KATNAL2: variants seen among roughly 807,000 people sequenced by gnomAD.
KATNAL2 encodes the protein katanin catalytic subunit A1 like 2, also known as katanin p60 ATPase-containing subunit A-like 2.
In KATNAL2, 52 loss-of-function variants were observed where a neutral mutation model predicts 76.3. That is an observed-to-expected ratio of 0.68 (90% CI 0.55 to 0.86). KATNAL2 has a LOEUF of 0.86. Ranked by LOEUF, KATNAL2 falls within the 40% of genes least tolerant of loss-of-function variation. KATNAL2 has a pLI of 0.00. For missense variants in KATNAL2, 660 were observed against 668.9 expected (o/e 0.99, Z 0.15); for synonymous variants, 243 against 244.2 (o/e 1.00, Z 0.05).
intron 8 of KATNAL2, among the ~76,000 whole-genome samples, chr18:47,060,904 CT>C (rs1398471827): frequency 6.6e-6 from 1 of 152,212 alleles, no homozygotes; most frequent in Non-Finnish European, 1.5e-5. Context: ...CTTTGCCTAG[CT>C]TTTTTGTGGC....
In KATNAL2 at chr18:47,046,453, C is replaced by T. The variant is rs754517692; in HGVS notation, c.52-4C>T. 17 of 1,534,652 alleles carry T rather than the reference C, an allele frequency of 1.1e-5. No homozygotes were observed. In the South Asian group the frequency reaches 1.3e-4, roughly 12 times the overall value. ...CATCCTACCTAAATTTTCCTCTGTT[C>T]CAGTGCGAGATGAGGACAGAAGCAC... On this transcript the variant is annotated splice_region_variant and splice_polypyrimidine_tract_variant and intron_variant, in intron 3 of 17. Transcript: ENST00000683218.
At chr18:47,038,909 T>A (rs763787274) in intron 3 of KATNAL2, among the ~76,000 whole-genome samples, 51 of 152,332 alleles carry the variant, frequency 3.3e-4, no homozygotes, top group Non-Finnish European at 3.7e-4. Flanking sequence ...CCTGTATTAC[T>A]CTTCTGTTCA....
chr18:47,087,291 A>G (rs1048038328), intron 15 of KATNAL2, among the ~76,000 whole-genome samples: 1 of 152,216 alleles, frequency 6.6e-6, no homozygotes, highest in African/African-American at 2.4e-5. Context: ...AAGACATGGA[A>G]TCAACCTAAA....
Position 47,069,007 on chromosome 18 carries a change from A to C in KATNAL2, c.826-213A>C, listed in dbSNP as rs531810832. 4.6e-5 allele frequency among the ~76,000 whole-genome samples: 7 copies of C among 152,324 alleles called. No individual in the cohort carries two copies. The South Asian group carries it at 1.5e-3, about 32-fold the overall frequency. ...AATTGGTCCTTTAAAAAGCTGCAAA[A>C]ATTGTCAGGCATTCTAATCAAGCGT... On this transcript the variant is annotated intron_variant, in intron 11 of 17. Transcript: ENST00000683218.
At chr18:47,040,130 C>T (rs1331561131) in intron 3 of KATNAL2, among the ~76,000 whole-genome samples, 1 of 152,226 alleles carries the variant, frequency 6.6e-6, no homozygotes, top group Non-Finnish European at 1.5e-5. Flanking sequence ...CATACTACTC[C>T]TGGTACAGCA....
At chr18:46,965,584 C>CCCCA (rs2060099018) in intron 3 of KATNAL2, among the ~76,000 whole-genome samples, 1 of 86,292 alleles carries the variant, frequency 1.2e-5, no homozygotes, top group African/African-American at 4.9e-5. Flanking sequence ...CATCCCCGCC[C>CCCCA]CCCCCCCCCC....
chr18:46,953,737 A>T (rs894194540), intron 3 of KATNAL2, among the ~76,000 whole-genome samples: 2 of 148,768 alleles, frequency 1.3e-5, no homozygotes, highest in African/African-American at 5.0e-5. Flanking sequence ...AACCTAGGCG[A>T]CACATGGAGA....
chr18:47,068,310 C>G (rs146526558), intron 11 of KATNAL2, among the ~76,000 whole-genome samples: 1 of 152,220 alleles, frequency 6.6e-6, no homozygotes, highest in Non-Finnish European at 1.5e-5. Flanking sequence ...CATGTGGCCC[C>G]TGATTTTTGG....
chr18:47,067,503 C>T (rs1395953426), intron 11 of KATNAL2, among the ~76,000 whole-genome samples: 4 of 152,130 alleles, frequency 2.6e-5, no homozygotes, highest in Non-Finnish European at 5.9e-5. Flanking sequence ...ACCCCTGCCC[C>T]CCTGACCTAC....
rs931854424 is a variant in KATNAL2 at position 46,922,521 on chromosome 18, C to T, written c.-510+4595C>T. Among the ~76,000 whole-genome samples, 33 of 151,442 alleles carry T rather than the reference C, an allele frequency of 2.2e-4. 1 individual carries two copies. The highest frequency in any genetic ancestry group is 7.7e-4 in the African/African-American group (32 of 41,396). On this transcript the variant is annotated intron_variant, in intron 1 of 17. Transcript: ENST00000683218. Reference sequence around the variant, plus strand: ...AAAAATAAAAAGTTGAGGCTGGGCGCGGTGGCTCACACCTATATTCCCAGC... The same window carrying T: ...AAAAATAAAAAGTTGAGGCTGGGCGTGGTGGCTCACACCTATATTCCCAGC...
chr18:47,063,442 T>C lies in KATNAL2; in HGVS notation c.726+81T>C, dbSNP rs1176163272. 3 of 982,816 alleles carry C rather than the reference T, an allele frequency of 3.1e-6. No homozygotes were observed. The Admixed American group carries it at 6.9e-5, about 23-fold the overall frequency. 60.9% of individuals were successfully genotyped at this position (982,816 alleles called of 1,614,324 possible). A position where few individuals can be genotyped will look rare whatever the true frequency, so the allele number is the denominator to read the frequency against. ...CTTTGTGGGCTGCTTCTTTTATTAA[T>C]AACAATAAATATGATCATTTATTTA... On this transcript the variant is annotated intron_variant, in intron 10 of 17. Transcript: ENST00000683218.
chr18:46,961,145 G>A (rs1434344655), intron 3 of KATNAL2, among the ~76,000 whole-genome samples: 1 of 152,242 alleles, frequency 6.6e-6, no homozygotes, highest in Non-Finnish European at 1.5e-5. Context: ...GTCAGGGGTA[G>A]ATTTTTTAAT....
intron 3 of KATNAL2, among the ~76,000 whole-genome samples, chr18:46,949,028 C>T (rs1286321011): frequency 6.6e-6 from 1 of 151,752 alleles, no homozygotes; most frequent in Non-Finnish European, 1.5e-5. Context: ...TTTCAAGTAG[C>T]GGGAACTACA....
At chr18:47,031,513 G>T (rs2576051) in intron 3 of KATNAL2, among the ~76,000 whole-genome samples, 3 of 151,476 alleles carry the variant, frequency 2.0e-5, no homozygotes, top group Admixed American at 6.6e-5. Flanking sequence ...GGGGATTCGG[G>T]TGTTAAGCCT....
In KATNAL2 at chr18:46,942,474, C is replaced by T. The variant is rs1006653897; in HGVS notation, c.-509-3583C>T. Among the ~76,000 whole-genome samples the T allele has an allele frequency of 1.6e-4, 24 of 152,184 alleles. No individual in the cohort carries two copies. In the East Asian group the frequency reaches 2.7e-3, roughly 17 times the overall value. On this transcript the variant is annotated intron_variant, in intron 1 of 17. Coordinates refer to ENST00000683218, the MANE Select transcript of KATNAL2 (RefSeq NM_001387690.1). ...TACTAAAATACAAAAATTAGCCGGG[C>T]GTGGTGGTGCGTGCCTGTAATCCCA...
intron 3 of KATNAL2, among the ~76,000 whole-genome samples, chr18:47,045,183 GA>G (rs1300483578): frequency 6.6e-6 from 1 of 151,794 alleles, no homozygotes; most frequent in Non-Finnish European, 1.5e-5. Context: ...AAGCAACTTA[GA>G]AAAAAATTTA....
chr18:47,032,030 G>A (rs1489925292), intron 3 of KATNAL2, among the ~76,000 whole-genome samples: 1 of 152,080 alleles, frequency 6.6e-6, no homozygotes, highest in African/African-American at 2.4e-5. Context: ...TAGTTAACCC[G>A]GTCCTTTCAT....
chr18:47,060,054 T>C (rs1322714768), intron 8 of KATNAL2, among the ~76,000 whole-genome samples: 1 of 151,156 alleles, frequency 6.6e-6, no homozygotes, highest in African/African-American at 2.4e-5. Flanking sequence ...TGGAGTATAA[T>C]GGTGCAATCA....
rs1309460123 is a variant in KATNAL2 at position 47,070,912 on chromosome 18, A to G, written c.1008+1312A>G. Among the ~76,000 whole-genome samples, 4 of 152,246 alleles carry G rather than the reference A, an allele frequency of 2.6e-5. No homozygotes were observed. The East Asian group carries it at 7.7e-4, about 29-fold the overall frequency. ...TGCATCTAACTCAGTGCCAGTTCCG[A>G]AGATGGGGCTTGAATTTAGCTGCAC... On this transcript the variant is annotated intron_variant, in intron 13 of 17. Coordinates refer to ENST00000683218, the MANE Select transcript of KATNAL2 (RefSeq NM_001387690.1).
Sources: allele counts gnomAD v4.1 joint callset (sites outside exome capture counted in the v4.1 genomes callset), GRCh38; gene constraint gnomAD v4.1.1; transcripts MANE v1.5; gene names NCBI Gene and HGNC (gene_info 2026-07-23, HGNC 2026-07-21).